DMKN: variants seen among roughly 807,000 people sequenced by gnomAD.
The protein encoded by DMKN is epidermis-specific secreted protein SK30/SK89.
In DMKN, 58 loss-of-function variants were observed where a neutral mutation model predicts 67.6. The ratio of observed to expected loss-of-function variants is 0.86; its 90% confidence interval spans 0.69 to 1.07. The LOEUF (loss-of-function observed/expected upper bound fraction) is 1.07. DMKN is among the 50% of genes least tolerant of loss of function. The pLI, the probability that DMKN is intolerant of heterozygous loss-of-function variation, is 0.00. For missense variants in DMKN, 596 were observed against 601.5 expected, an observed-to-expected ratio of 0.99 and a Z score of 0.10; for synonymous variants, 240 against 232.3, an observed-to-expected ratio of 1.03 and a Z score of -0.30.
chr19:35,507,274 G>A (rs1295937966), intron 7 of DMKN: 1 of 537,082 alleles, frequency 1.9e-6, no homozygotes, highest in Non-Finnish European at 3.3e-6. Flanking sequence ...AGGAAGGAAG[G>A]AATGAATGAA....
rs550193154 is a variant in DMKN at position 35,507,674 on chromosome 19, G to A, written c.1039-1688C>T. ...GGCCTGAGAAAGAGGTCCTTCTCTC[G>A]GGGAAGTTCCATCTGCCCTGAGATC... is the stretch of plus-strand genomic sequence containing the variant. On this transcript the variant is annotated intron_variant, in intron 7 of 15. Transcript: ENST00000339686. 8.3e-4 allele frequency: 513 copies of A among 618,794 alleles called. 2 individuals carry two copies. The Middle Eastern group carries it at 0.012, about 15-fold the overall frequency. 38.3% of individuals were successfully genotyped at this position (618,794 alleles called of 1,614,324 possible). A position where few individuals can be genotyped will look rare whatever the true frequency, so the allele number is the denominator to read the frequency against.
At chr19:35,500,395 C>A in intron 12 of DMKN, 138 bp downstream of exon 12, 1 of 1,551,830 alleles carries the variant, frequency 6.4e-7, no homozygotes, top group Non-Finnish European at 8.7e-7. Flanking sequence ...GTTACAGCTG[C>A]CACCTCCTGC....
At chr19:35,511,992 C>CTTT (rs767298346) in intron 3 of DMKN, among the ~76,000 whole-genome samples, 179 bp from the exon 4 acceptor site, 4 of 140,086 alleles carry the variant, frequency 2.9e-5, no homozygotes, top group Non-Finnish European at 4.6e-5. Flanking sequence ...GTCTCTTCCT[C>CTTT]CTTTTTTTTT....
In DMKN at chr19:35,512,709, T is replaced by C; in HGVS notation, c.508A>G (p.Thr170Ala). The C allele has an allele frequency of 6.2e-7, 1 of 1,613,844 alleles. No individual in the cohort carries two copies. The highest frequency in any genetic ancestry group is 8.5e-7 in the Non-Finnish European group (1 of 1,179,966). Reference sequence around the variant, plus strand: ...CCGGGGTATCCGTGGACCCACGGAGTCCCCAGACCTCCAGGATTGCCCTGG... The same window carrying C: ...CCGGGGTATCCGTGGACCCACGGAGCCCCCAGACCTCCAGGATTGCCCTGG... The part of the protein sequence containing the change: ...QGQGNPGGLG[T>A]PWVHGYPGNS... Residue 170 changes from threonine to alanine, a missense_variant, in exon 2 of 16, where the codon ACT becomes GCT. Physicochemically the swap from Thr to Ala is moderately conservative, Grantham distance 58. Transcript: ENST00000339686.
At chr19:35,510,490 G>A (rs1470077380) in intron 5 of DMKN, 1 of 1,550,278 alleles carries the variant, frequency 6.5e-7, no homozygotes, top group Non-Finnish European at 8.7e-7. Context: ...AACCTGAGCT[G>A]CTGCCCACCG....
intron 5 of DMKN, chr19:35,510,484 T>C: frequency 6.4e-7 from 1 of 1,550,976 alleles, no homozygotes; most frequent in African/African-American, 1.4e-5. Flanking sequence ...TTGGAGAACC[T>C]GAGCTGCTGC....
intron 7 of DMKN, chr19:35,507,629 A>G: frequency 2.4e-6 from 2 of 832,930 alleles, no homozygotes; most frequent in South Asian, 3.0e-5. Context: ...AGACATGAGC[A>G]TGACAGAGGA....
chr19:35,499,878 G>A, intron 13 of DMKN, 80 bp downstream of exon 13: 3 of 1,514,516 alleles, frequency 2.0e-6, no homozygotes, highest in South Asian at 1.1e-5. Flanking sequence ...CCAACCGAGA[G>A]GACCCCGGCA....
chr19:35,512,399 G>T lies in DMKN; in HGVS notation c.684+22C>A, dbSNP rs779854742. 5 of 1,612,784 alleles carry T rather than the reference G, an allele frequency of 3.1e-6. No individual in the cohort carries two copies. In the South Asian group the frequency reaches 5.5e-5, roughly 18 times the overall value. On this transcript the variant is annotated intron_variant, in intron 3 of 15. Transcript: ENST00000339686. The stretch of plus-strand genomic sequence containing the variant: ...CCTGCACCCAGTGGCTTCTTCATTT[G>T]TTCCCAGCCCCTTCCTCTTACCCCT...
chr19:35,513,052 A>AT lies in DMKN; in HGVS notation c.423_424insA (p.Trp142MetfsTer86), dbSNP rs1438725833. 1 of 1,613,384 alleles carries AT rather than the reference A, an allele frequency of 6.2e-7. No individual in the cohort carries two copies. Among genetic ancestry groups the AT allele is most frequent in the Admixed American group, 1.7e-5 (1 of 60,018 alleles). ...CATGCAGCCCCACAGCCACTCACCCAAGCACCATTGTGGCCAGGCACCCCC... is the reference window on the plus strand; with the variant it reads ...CATGCAGCCCCACAGCCACTCACCCATAGCACCATTGTGGCCAGGCACCCCC... On this transcript the variant is annotated frameshift_variant, in exon 1 of 16. Transcript: ENST00000339686. LOFTEE classifies it high-confidence loss of function.
At chr19:35,502,918 G>C (rs772264102) in intron 9 of DMKN, 32 bp from the exon 10 acceptor site, 1 of 1,607,884 alleles carries the variant, frequency 6.2e-7, no homozygotes, top group South Asian at 1.1e-5. Context: ...CAGGTTAGCA[G>C]AGAGCCTGGG....
intron 11 of DMKN, among the ~76,000 whole-genome samples, chr19:35,501,154 G>A (rs377453642): frequency 2.0e-5 from 3 of 152,134 alleles, no homozygotes; most frequent in African/African-American, 2.4e-5. Flanking sequence ...AACTCTAAGC[G>A]TTGAAAAGAA....
chr19:35,507,137 A>G, intron 7 of DMKN: 1 of 237,420 alleles, frequency 4.2e-6, no homozygotes, highest in Non-Finnish European at 8.2e-6. Context: ...CTTCTACCTC[A>G]AAGCTCAGTG....
At chr19:35,501,841 G>T in intron 11 of DMKN, 1 of 1,578,660 alleles carries the variant, frequency 6.3e-7, no homozygotes. Context: ...GGCTCCCCTG[G>T]GTCCAGGCCA....
Position 35,505,946 on chromosome 19 carries a change from A to C in DMKN, c.1079T>G (p.Phe360Cys). 1 of 1,614,184 alleles carries C rather than the reference A, an allele frequency of 6.2e-7. No individual in the cohort carries two copies. The highest frequency in any genetic ancestry group is 8.5e-7 in the Non-Finnish European group (1 of 1,180,030). ...TSPGMFNFDT[F>C]WKNFKSKLGF... is the part of the protein sequence containing the mutation. ...CCATCTCGCAGAACTCACCTTCCAG[A>C]AAGTGTCAAAGTTAAACATCCCAGG... The change falls in exon 8 of 16, where the codon TTC becomes TGC. Residue 360 changes from phenylalanine to cysteine, a missense_variant. Coordinates refer to ENST00000339686, the MANE Select transcript of DMKN (RefSeq NM_033317.5).
At chr19:35,507,103 C>A (rs1280476699) in intron 7 of DMKN, 1 of 204,984 alleles carries the variant, frequency 4.9e-6, no homozygotes, top group African/African-American at 2.3e-5. Context: ...GGTGCCTGGC[C>A]AGAGCTGGCT....
At chr19:35,500,603 G>A (rs760298377) in intron 11 of DMKN, 23 bp from the exon 12 acceptor site, 9 of 1,599,468 alleles carry the variant, frequency 5.6e-6, no homozygotes, top group Admixed American at 1.7e-5. Flanking sequence ...AGGGGCCACA[G>A]TTCGTGCCTC....
Position 35,510,447 on chromosome 19 carries a change from C to T in DMKN, c.919-195G>A, listed in dbSNP as rs1409658164. On this transcript the variant is annotated intron_variant, in intron 5 of 15. Transcript: ENST00000339686. ...GAGCATGGAGAAGGCCAGGTGTGGCCGAGGGTATTCGGAACTACGCAATGA... is the reference window on the plus strand; with the variant it reads ...GAGCATGGAGAAGGCCAGGTGTGGCTGAGGGTATTCGGAACTACGCAATGA... The T allele has an allele frequency of 2.6e-6, 4 of 1,552,002 alleles. No individual in the cohort carries two copies. The African/African-American group carries it at 5.5e-5, about 21-fold the overall frequency.
chr19:35,508,987 C>T (rs1353094006), intron 7 of DMKN, among the ~76,000 whole-genome samples: 2 of 151,992 alleles, frequency 1.3e-5, no homozygotes, highest in Admixed American at 6.6e-5. Flanking sequence ...GAGGCAGAGG[C>T]GGACAGATCA....
Sources: gnomAD v4.1 joint callset for allele counts (sites outside exome capture counted in the v4.1 genomes callset) on GRCh38, gnomAD v4.1.1 for gene constraint, MANE v1.5 for transcripts, NCBI Gene and HGNC (gene_info 2026-07-23, HGNC 2026-07-21) for gene names.